Variants in AKT1 observed in about 807,000 individuals in gnomAD.
AKT1 encodes RAC-alpha serine/threonine-protein kinase.
AKT1 carries 21 observed loss-of-function variants against 63.1 expected under a neutral mutation model. The ratio of observed to expected loss-of-function variants is 0.33; its 90% CI spans 0.24 to 0.48. The LOEUF is 0.48. Ranked by LOEUF, AKT1 falls within the 20% of genes least tolerant of loss-of-function variation. The probability of loss-of-function intolerance (pLI) is 0.99; values close to 1 mark genes in which losing one functional copy is unlikely to be tolerated. For synonymous variants in AKT1, 257 were observed against 253.1 expected (o/e 1.02, Z -0.15); for missense variants, 382 against 666.0 (o/e 0.57, Z 4.69).
intron 3 of AKT1, among the ~76,000 whole-genome samples, chr14:104,790,171 A>G (rs528778098): frequency 6.6e-6 from 1 of 152,326 alleles, no homozygotes; most frequent in Admixed American, 6.5e-5. Context: ...CTGGGGATTC[A>G]GCTGAGAACC....
Position 104,782,689 on chromosome 14 carries a change from C to G in AKT1, c.47-2473G>C, listed in dbSNP as rs571295469. 2.6e-3 allele frequency among the ~76,000 whole-genome samples: 392 copies of G among 152,318 alleles called. 3 individuals carry two copies. The highest frequency in any genetic ancestry group is 9.2e-3 in the African/African-American group (381 of 41,568). ...CGCCTGGCCCCACAGACCCAGGGAA[C>G]AGACGGCGATCAGGGCCTACCCCAG... On this transcript the variant is annotated intron_variant, in intron 3 of 14. Transcript: ENST00000649815.
intron 3 of AKT1, among the ~76,000 whole-genome samples, chr14:104,791,471 C>T (rs879634476): frequency 6.6e-6 from 1 of 152,164 alleles, no homozygotes; most frequent in Non-Finnish European, 1.5e-5. Context: ...CGAGGCCCCG[C>T]GTGCCATCAC....
In AKT1 at chr14:104,775,891, T is replaced by C. The variant is rs2498797; in HGVS notation, c.288-92A>G. On this transcript the variant is annotated intron_variant, in intron 5 of 14. Transcript: ENST00000649815. ...CACCCGCCAGCCTCACAAGCGTGGT[T>C]CCACAGCTGTCGGGGTTCCCAGAGA... 549,205 of 1,483,832 alleles carry C rather than the reference T, an allele frequency of 0.37. 106,623 individuals are homozygous for C. The highest frequency in any genetic ancestry group is 0.61 in the East Asian group (25,085 of 41,330). The allele number at this position is 1,483,832 out of a possible 1,614,324, so 91.9% of individuals were successfully genotyped here. A position where few individuals can be genotyped will look rare whatever the true frequency, so the allele number is the denominator to read the frequency against.
At chr14:104,793,854 G>T (rs1893750869) in intron 1 of AKT1, 1 of 152,246 alleles carries the variant, frequency 6.6e-6, no homozygotes, top group African/African-American at 2.4e-5. Context: ...TTCCAGATGG[G>T]CCTTCCTGAG....
intron 4 of AKT1, 91 bp from the exon 5 acceptor site, chr14:104,776,861 T>G: frequency 9.6e-7 from 1 of 1,036,876 alleles, no homozygotes; most frequent in South Asian, 1.4e-5. Context: ...CAGCTCCCCT[T>G]GCATACCACC....
intron 4 of AKT1, chr14:104,777,486 C>T (rs1892795736): frequency 2.1e-6 from 2 of 958,476 alleles, no homozygotes; most frequent in Non-Finnish European, 2.5e-6. Flanking sequence ...CTAGCCACAT[C>T]TGGGGCACAC....
intron 4 of AKT1, among the ~76,000 whole-genome samples, chr14:104,778,981 G>A (rs1892878802): frequency 1.3e-5 from 2 of 152,206 alleles, no homozygotes; most frequent in African/African-American, 4.8e-5. Context: ...GCCCTAATTA[G>A]CCACTCAGTC....
rs2140948821 is a variant in AKT1, at chr14:104,780,115, C to G, written c.148G>C (p.Ala50Pro). 6.2e-7 allele frequency: 1 copy of G among 1,613,660 alleles called. No individual in the cohort carries two copies. Among genetic ancestry groups the G allele is most frequent in the Middle Eastern group, 1.7e-4 (1 of 6,060 alleles). The change falls in exon 4 of 15, where the codon GCT becomes CCT. Residue 50 changes from alanine (A) to proline (P), a missense_variant. Ala to Pro is a conservative substitution (Grantham distance 27). Coordinates refer to ENST00000649815, the MANE Select transcript of AKT1 (RefSeq NM_001382430.1). Reference sequence around the variant, plus strand: ...GCCACAGAGAAGTTGTTGAGGGGAGCCTCACGTTGGTCCACATCCTGCGGC... The same window carrying G: ...GCCACAGAGAAGTTGTTGAGGGGAGGCTCACGTTGGTCCACATCCTGCGGC... ...ERPQDVDQREAPLNNFSVAQC... is the reference protein window; with the variant it reads ...ERPQDVDQREPPLNNFSVAQC...
At chr14:104,787,376 A>G (rs562051147) in intron 3 of AKT1, among the ~76,000 whole-genome samples, 1 of 151,856 alleles carries the variant, frequency 6.6e-6, no homozygotes, top group African/African-American at 2.4e-5. Flanking sequence ...AGGCCATGGG[A>G]CTAGGCACAA....
intron 3 of AKT1, among the ~76,000 whole-genome samples, chr14:104,784,588 T>C (rs903233017): frequency 6.6e-6 from 1 of 152,030 alleles, no homozygotes; most frequent in African/African-American, 2.4e-5. Flanking sequence ...GAGGGTTCCT[T>C]CCCAGAAGTC....
chr14:104,787,049 G>A lies in AKT1; in HGVS notation c.46+5549C>T, dbSNP rs1208147952. On this transcript the variant is annotated intron_variant, in intron 3 of 14. Coordinates refer to ENST00000649815, the MANE Select transcript of AKT1 (RefSeq NM_001382430.1). ...GGTATGGGTGGGGTCTGCAGTCACC[G>A]GGCCCGCCTGGGGGGTGTGTGAGCC... Among the ~76,000 whole-genome samples the A allele has an allele frequency of 4.6e-5, 7 of 152,156 alleles. No individual in the cohort carries two copies. The South Asian group carries it at 6.2e-4, about 14-fold the overall frequency.
chr14:104,776,363 T>G (rs1452081845), intron 5 of AKT1: 1 of 288,626 alleles, frequency 3.5e-6, no homozygotes, highest in Non-Finnish European at 6.6e-6. Flanking sequence ...GGCAGGCTAG[T>G]CTCAAACTCC....
intron 3 of AKT1, among the ~76,000 whole-genome samples, chr14:104,787,559 C>T (rs914099042): frequency 6.6e-6 from 1 of 152,226 alleles, no homozygotes; most frequent in African/African-American, 2.4e-5. Context: ...GCGGGGGCCG[C>T]GCCAGTTCCC....
intron 3 of AKT1, among the ~76,000 whole-genome samples, chr14:104,789,090 G>A (rs1159378852): frequency 2.6e-5 from 4 of 152,212 alleles, no homozygotes; most frequent in African/African-American, 9.6e-5. Flanking sequence ...ACAGCCTGCC[G>A]AAGGCAGCCA....
Position 104,780,142 on chromosome 14 carries a change from G to T in AKT1, c.121C>A (p.Arg41=). 6.2e-7 allele frequency: 1 copy of T among 1,613,622 alleles called. No homozygotes were observed. Reference sequence around the variant, plus strand: ...TCACGTTGGTCCACATCCTGCGGCCGCTCCTTGTAGCCAATGAAGGTGCCA... The same window carrying T: ...TCACGTTGGTCCACATCCTGCGGCCTCTCCTTGTAGCCAATGAAGGTGCCA... ...NDGTFIGYKE[R]PQDVDQREAP... Residue 41 remains arginine (R), a synonymous_variant, in exon 4 of 15, where the codon CGG becomes AGG. Transcript: ENST00000649815.
Position 104,772,093 on chromosome 14 carries a change from G to A in AKT1, c.1260+272C>T, listed in dbSNP as rs143206400. 1.3e-3 allele frequency: 753 copies of A among 559,924 alleles called. 4 individuals are homozygous for A. Among genetic ancestry groups the A allele is most frequent in the African/African-American group, 0.012 (660 of 53,226 alleles). The allele number at this position is 559,924 out of a possible 1,614,324, so 34.7% of individuals were successfully genotyped here. A position where few individuals can be genotyped will look rare whatever the true frequency, so the allele number is the denominator to read the frequency against. On this transcript the variant is annotated intron_variant, in intron 13 of 14. Transcript: ENST00000649815. ...GGCACTCAGAGTGTGACACACCTCCGAGGGGAGGAGGAAACTCAGAGTGTG... is the reference window on the plus strand; with the variant it reads ...GGCACTCAGAGTGTGACACACCTCCAAGGGGAGGAGGAAACTCAGAGTGTG...
chr14:104,777,270 CACACCTGGGGCACAG>C (rs1566819311), intron 4 of AKT1: 141 of 200,262 alleles, frequency 7.0e-4, no homozygotes, highest in Middle Eastern at 2.2e-3. Flanking sequence ...GGGGCACAGG[CACACCTGGGGCACAG>C]CCACACCTGG....
intron 5 of AKT1, 90 bp from the exon 6 acceptor site, chr14:104,775,889 G>C (rs954390839): frequency 6.7e-7 from 1 of 1,501,770 alleles, no homozygotes; most frequent in African/African-American, 1.4e-5. Flanking sequence ...CACAAGCGTG[G>C]TTCCACAGCT....
At chr14:104,790,785 G>A (rs1003448755) in intron 3 of AKT1, among the ~76,000 whole-genome samples, 5 of 152,168 alleles carry the variant, frequency 3.3e-5, no homozygotes, top group African/African-American at 1.2e-4. Context: ...GGCTGCTGAG[G>A]CTGGCCGGAC....
Sources: allele counts gnomAD v4.1 joint callset (sites outside exome capture counted in the v4.1 genomes callset), GRCh38; gene constraint gnomAD v4.1.1; transcripts MANE v1.5; gene names NCBI Gene and HGNC (gene_info 2026-07-23, HGNC 2026-07-21).